PPP1R13B: variants seen among roughly 807,000 people sequenced by gnomAD.
The protein encoded by PPP1R13B is apoptosis-stimulating of p53 protein 1.
In PPP1R13B, 44 loss-of-function variants were observed where a neutral mutation model predicts 119.8. The ratio of observed to expected loss-of-function variants is 0.37; its 90% confidence interval spans 0.29 to 0.47. The LOEUF is 0.47. Among genes scored for constraint, PPP1R13B ranks in the 20% least tolerant of loss-of-function variants. The probability of loss-of-function intolerance (pLI) is 0.99; values close to 1 mark genes in which losing one functional copy is unlikely to be tolerated. For synonymous variants in PPP1R13B, 542 were observed against 561.5 expected (o/e 0.97, Z 0.49); for missense variants, 1,227 against 1,413.5 (o/e 0.87, Z 2.12).
At chr14:103,847,072 G>A (rs1250341032) in intron 1 of PPP1R13B, 12 of 1,008,896 alleles carry the variant, frequency 1.2e-5, no homozygotes, top group Non-Finnish European at 1.2e-5. Context: ...CGCGGAGGCC[G>A]AGCAGGAAGG....
chr14:103,803,990 A>T, intron 1 of PPP1R13B: 1 of 923,896 alleles, frequency 1.1e-6, no homozygotes, highest in Non-Finnish European at 1.3e-6. Flanking sequence ...TTCTTACATT[A>T]AATTATCAAT....
rs762641088 is a variant in PPP1R13B at position 103,778,775 on chromosome 14, A to G, written c.324T>C (p.Asn108=). ...QEQRTQRNVI[N]VPGEKRTENG... Reference sequence around the variant, plus strand: ...TTTCAGTACGTTTTTCTCCAGGTACATTTATTACATTTCTCTGAGTTCGTT... The same window carrying G: ...TTTCAGTACGTTTTTCTCCAGGTACGTTTATTACATTTCTCTGAGTTCGTT... The change falls in exon 4 of 17, where the codon AAT becomes AAC. Residue 108 remains asparagine (N), a synonymous_variant. Coordinates refer to ENST00000202556, the MANE Select transcript of PPP1R13B (RefSeq NM_015316.3). 5 of 1,614,112 alleles carry G rather than the reference A, an allele frequency of 3.1e-6. No homozygotes were observed. In the South Asian group the frequency reaches 4.4e-5, roughly 14 times the overall value.
intron 1 of PPP1R13B, among the ~76,000 whole-genome samples, chr14:103,813,927 C>T (rs549934611): frequency 1.3e-5 from 2 of 152,274 alleles, no homozygotes; most frequent in African/African-American, 4.8e-5. Context: ...TTTCCATTAT[C>T]ATTTATTGGT....
At chr14:103,794,560 T>C in intron 2 of PPP1R13B, 1 of 401,308 alleles carries the variant, frequency 2.5e-6, no homozygotes, top group South Asian at 1.9e-5. Flanking sequence ...ACTCCTGACC[T>C]CAGGTGATCC....
At chr14:103,830,476 T>C (rs192411348) in intron 1 of PPP1R13B, among the ~76,000 whole-genome samples, 50 of 152,296 alleles carry the variant, frequency 3.3e-4, no homozygotes, top group African/African-American at 1.2e-3. Flanking sequence ...CCCTCCATTT[T>C]ATAGATGAGG....
At chr14:103,833,997 C>G (rs1032768151) in intron 1 of PPP1R13B, among the ~76,000 whole-genome samples, 1 of 152,132 alleles carries the variant, frequency 6.6e-6, no homozygotes, top group African/African-American at 2.4e-5. Flanking sequence ...TCCTAAGTGC[C>G]AAGGATACTG....
In PPP1R13B at chr14:103,742,941, A is replaced by G. The variant is rs111463447; in HGVS notation, c.1151-118T>C. 1,518 of 1,197,634 alleles carry G rather than the reference A, an allele frequency of 1.3e-3. 15 individuals are homozygous for G. In the African/African-American group the frequency reaches 0.021, roughly 16 times the overall value. 74.2% of individuals were successfully genotyped at this position (1,197,634 alleles called of 1,614,324 possible). The stretch of plus-strand genomic sequence containing the variant: ...GGACATCCCATTCTGATGCAGATCC[A>G]TTAACCGAGTGGTCAACCACCAGCC... On this transcript the variant is annotated intron_variant, in intron 9 of 16. Coordinates refer to ENST00000202556, the MANE Select transcript of PPP1R13B (RefSeq NM_015316.3). This position sits in a 1 kb window ranked among gnomAD's most constrained non-coding sequence, Gnocchi z 4.9.
At chr14:103,774,953 T>A (rs1452221729) in intron 4 of PPP1R13B, among the ~76,000 whole-genome samples, 4 of 152,212 alleles carry the variant, frequency 2.6e-5, no homozygotes, top group Non-Finnish European at 5.9e-5. Context: ...CTTCCTCTAA[T>A]TACAAGCCAC....
intron 2 of PPP1R13B, among the ~76,000 whole-genome samples, chr14:103,791,617 C>T (rs902154234): frequency 3.3e-5 from 5 of 152,008 alleles, no homozygotes; most frequent in Non-Finnish European, 7.4e-5. Context: ...CCCAGCTACT[C>T]GGGAGGCTGA....
chr14:103,746,718 G>A (rs941788616), intron 8 of PPP1R13B, 165 bp from the exon 9 acceptor site: 3 of 561,574 alleles, frequency 5.3e-6, no homozygotes, highest in Non-Finnish European at 9.1e-6. Flanking sequence ...AGACTGTGGA[G>A]AAGGAACTGT....
At chr14:103,739,152 G>C in intron 12 of PPP1R13B, 129 bp from the exon 13 acceptor site, 1 of 1,274,308 alleles carries the variant, frequency 7.8e-7, no homozygotes, top group Non-Finnish European at 1.1e-6. Context: ...CCCTGGAGTG[G>C]TAGCAGTAGC....
At chr14:103,745,084 C>T (rs2084354256) in intron 9 of PPP1R13B, among the ~76,000 whole-genome samples, 1 of 152,216 alleles carries the variant, frequency 6.6e-6, no homozygotes, top group Non-Finnish European at 1.5e-5. Context: ...CTATAAATAA[C>T]AGCTTAGCAG....
At position 103,841,032 on chromosome 14, in the gene PPP1R13B, A is replaced by G. The variant is rs1476869397; in HGVS notation, c.9+6267T>C. On this transcript the variant is annotated intron_variant, in intron 1 of 16. Transcript: ENST00000202556. The stretch of plus-strand genomic sequence containing the variant: ...CCAGCAGCAGTGGCTCACGCCTGTA[A>G]TCCCAACGCTTTGGGAAGCTGAGGC... Among the ~76,000 whole-genome samples the G allele has an allele frequency of 2.6e-5, 4 of 152,196 alleles. No individual in the cohort carries two copies. In the East Asian group the frequency reaches 5.8e-4, roughly 22 times the overall value.
intron 1 of PPP1R13B, among the ~76,000 whole-genome samples, chr14:103,834,678 C>A (rs1169526524): frequency 4.0e-5 from 6 of 150,964 alleles, no homozygotes; most frequent in African/African-American, 1.5e-4. Flanking sequence ...ACAACCTCCG[C>A]CCTCCGGGTG....
chr14:103,835,837 A>C (rs1043169587), intron 1 of PPP1R13B, among the ~76,000 whole-genome samples: 3 of 151,342 alleles, frequency 2.0e-5, no homozygotes, highest in African/African-American at 7.3e-5. Flanking sequence ...TCTCGATCTC[A>C]TGACCTCGTG....
chr14:103,814,731 G>C (rs2086238510), intron 1 of PPP1R13B, among the ~76,000 whole-genome samples: 1 of 152,144 alleles, frequency 6.6e-6, no homozygotes, highest in Non-Finnish European at 1.5e-5. Flanking sequence ...GGATCACGAG[G>C]TCAGGAGATC....
intron 1 of PPP1R13B, among the ~76,000 whole-genome samples, chr14:103,809,024 A>G (rs1457129954): frequency 6.6e-6 from 1 of 152,008 alleles, no homozygotes; most frequent in Non-Finnish European, 1.5e-5. Flanking sequence ...AGCGCACCAC[A>G]GCTAATTTTT....
intron 15 of PPP1R13B, 87 bp from the exon 16 acceptor site, chr14:103,736,289 G>T: frequency 7.2e-7 from 1 of 1,391,304 alleles, no homozygotes; most frequent in Non-Finnish European, 1.0e-6. Context: ...CAGTCGTGCT[G>T]CTGCCGAGGC....
chr14:103,844,456 G>A (rs979214303), intron 1 of PPP1R13B, among the ~76,000 whole-genome samples: 7 of 152,070 alleles, frequency 4.6e-5, no homozygotes, highest in South Asian at 2.1e-4. Context: ...ATGGCCGGGC[G>A]CAGTGGCTCA....
Sources: allele counts gnomAD v4.1 joint callset (sites outside exome capture counted in the v4.1 genomes callset), GRCh38; gene constraint gnomAD v4.1.1; non-coding constraint Gnocchi (gnomAD v3.1); transcripts MANE v1.5; gene names NCBI Gene and HGNC (gene_info 2026-07-23, HGNC 2026-07-21).